PIEZO1: variants seen among roughly 807,000 people sequenced by gnomAD.
PIEZO1 encodes the protein piezo type mechanosensitive ion channel component 1 (Er blood group), also known as piezo-type mechanosensitive ion channel component 1.
Under a neutral mutation model 297.2 loss-of-function variants are expected in PIEZO1, and 296 were observed. The ratio of observed to expected loss-of-function variants is 1.00; its 90% CI spans 0.91 to 1.10. The LOEUF is 1.10. Among genes scored for constraint, PIEZO1 ranks in the 50% least tolerant of loss-of-function variants. The pLI is 0.00. For synonymous variants in PIEZO1, 2,427 were observed against 1,507.5 expected, an observed-to-expected ratio of 1.61 and a Z score of -14.13; for missense variants, 5,018 against 3,455.5, an observed-to-expected ratio of 1.45 and a Z score of -11.34.
At chr16:88,757,201 C>T (rs1380294494) in intron 1 of PIEZO1, among the ~76,000 whole-genome samples, 1 of 151,990 alleles carries the variant, frequency 6.6e-6, no homozygotes, top group Admixed American at 6.6e-5. Context: ...GGAGGCTGAG[C>T]CCTCGGAGCC....
chr16:88,759,495 C>T (rs555036752), intron 1 of PIEZO1, among the ~76,000 whole-genome samples: 6 of 152,320 alleles, frequency 3.9e-5, no homozygotes, highest in Non-Finnish European at 7.3e-5. Flanking sequence ...GAAGAGAAAC[C>T]GATAAACACT....
chr16:88,747,386 G>A (rs1906117990), intron 2 of PIEZO1, among the ~76,000 whole-genome samples: 2 of 152,116 alleles, frequency 1.3e-5, no homozygotes, highest in Admixed American at 1.3e-4. Context: ...CATGATGGTG[G>A]GCGCCTGTAA....
chr16:88,780,526 AGG>A, intron 1 of PIEZO1, among the ~76,000 whole-genome samples: 1 of 152,308 alleles, frequency 6.6e-6, no homozygotes, highest in Admixed American at 6.5e-5. Context: ...CCAGCAAGGA[AGG>A]GTCTGTCCAT....
At chr16:88,772,748 C>T (rs1356983860) in intron 1 of PIEZO1, among the ~76,000 whole-genome samples, 2 of 148,450 alleles carry the variant, frequency 1.3e-5, no homozygotes, top group Non-Finnish European at 3.0e-5. Flanking sequence ...CACTGCATTC[C>T]AGCCTGGCCA....
In PIEZO1 at chr16:88,735,216, G is replaced by T. The variant is rs1259682249; in HGVS notation, c.1588C>A (p.Leu530Met). 4 of 1,550,352 alleles carry T rather than the reference G, an allele frequency of 2.6e-6. No individual in the cohort carries two copies. In the Admixed American group the frequency reaches 7.8e-5, roughly 30 times the overall value. Residue 530 changes from leucine (L) to methionine (M), a missense_variant, in exon 13 of 51, where the codon CTG (leucine) becomes ATG (methionine). Coordinates refer to ENST00000301015, the MANE Select transcript of PIEZO1 (RefSeq NM_001142864.4). ...AGCTTCTCTTTCACAAACTGGCGCA[G>T]CAGGAGCCAGAAGGTCAGGGTGTAG... ...LLYTLTFWLL[L>M]RQFVKEKLLK...
In PIEZO1 at chr16:88,716,110, GCCT is replaced by G. The variant is rs1370020259; in HGVS notation, c.7136_7138del (p.Glu2379del). ...CTGGATACGCACGCCGAGGTAGTCG[GCCT>G]CCTCATCTGGGATGGAGGGAGAAGA... On this transcript the variant is annotated inframe_deletion, in exon 50 of 51. Coordinates refer to ENST00000301015, the MANE Select transcript of PIEZO1 (RefSeq NM_001142864.4). 11 of 1,545,316 alleles carry G rather than the reference GCCT, an allele frequency of 7.1e-6. No homozygotes were observed. Among genetic ancestry groups the G allele is most frequent in the Middle Eastern group, 1.7e-4 (1 of 5,998 alleles).
At chr16:88,757,325 G>GC (rs752650335) in intron 1 of PIEZO1, among the ~76,000 whole-genome samples, 3 of 84,162 alleles carry the variant, frequency 3.6e-5, no homozygotes, top group Non-Finnish European at 5.1e-5. Context: ...CTGGCGGGGG[G>GC]GTGGGGGGTA....
At chr16:88,763,702 C>A (rs1187076448) in intron 1 of PIEZO1, among the ~76,000 whole-genome samples, 1 of 152,154 alleles carries the variant, frequency 6.6e-6, no homozygotes, top group Non-Finnish European at 1.5e-5. Flanking sequence ...ACAGCACATT[C>A]CAGAGGCCGC....
intron 1 of PIEZO1, among the ~76,000 whole-genome samples, chr16:88,773,660 G>A (rs1400941204): frequency 6.6e-6 from 1 of 150,924 alleles, no homozygotes; most frequent in Non-Finnish European, 1.5e-5. Context: ...GCAGGTCGGG[G>A]GAGTGGACAG....
intron 12 of PIEZO1, 146 bp from the exon 13 acceptor site, chr16:88,735,392 C>G: frequency 1.5e-6 from 1 of 647,512 alleles, no homozygotes; most frequent in South Asian, 1.8e-5. Context: ...CCACAGGCAC[C>G]GAACACCCTC....
In PIEZO1 at chr16:88,725,641, A is replaced by C; in HGVS notation, c.4012T>G (p.Phe1338Val). Reference protein sequence around the residue: ...YNAANLKSIDFHRRIEEKSLA... With the variant: ...YNAANLKSIDVHRRIEEKSLA... The stretch of plus-strand genomic sequence containing the variant: ...GACTTCTCCTCTATCCTGCGGTGAA[A>C]GTCAATGCTCTTGAGGTTGGCAGCG... Residue 1338 changes from phenylalanine (F) to valine (V), a missense_variant, in exon 28 of 51, where the codon TTT becomes GTT. Phe to Val is a conservative substitution (Grantham distance 50). Transcript: ENST00000301015. The C allele has an allele frequency of 6.5e-7, 1 of 1,549,532 alleles. No individual in the cohort carries two copies. The highest frequency in any genetic ancestry group is 8.7e-7 in the Non-Finnish European group (1 of 1,146,038).
At chr16:88,754,212 A>T (rs1906540000) in intron 1 of PIEZO1, among the ~76,000 whole-genome samples, 1 of 152,194 alleles carries the variant, frequency 6.6e-6, no homozygotes, top group African/African-American at 2.4e-5. Context: ...GAGCACAGTC[A>T]GGAGGGGAGA....
rs577670731 is a variant in PIEZO1, at chr16:88,749,111, G to A, written c.160+273C>T. ...AAAAATAAGCCAGGCGTGGTGGCGG[G>A]CGCCTGTAGTCCCAGCTACCCGGGA... On this transcript the variant is annotated intron_variant, in intron 2 of 50. Transcript: ENST00000301015. Among the ~76,000 whole-genome samples the A allele has an allele frequency of 6.6e-5, 10 of 151,496 alleles. No individual in the cohort carries two copies. The South Asian group carries it at 1.0e-3, about 16-fold the overall frequency.
rs778345834 is a variant in PIEZO1, at chr16:88,737,560, A to C, written c.1194T>G (p.Pro398=). 3.9e-6 allele frequency: 6 copies of C among 1,530,400 alleles called. No homozygotes were observed. The Admixed American group carries it at 1.2e-4, about 30-fold the overall frequency. 94.8% of individuals were successfully genotyped at this position (1,530,400 alleles called of 1,614,324 possible). A position where few individuals can be genotyped will look rare whatever the true frequency, so the allele number is the denominator to read the frequency against. ...TACCTTGCAGTGTGCGGTACTCACC[A>C]GGCCGCCGCAGGACGGAGCTCTGGC... is the stretch of plus-strand genomic sequence containing the variant. ...LTGQSSVLRR[P]VRPKRAEPRE... is the part of the protein sequence containing the mutation. Residue 398 remains proline, a splice_region_variant and synonymous_variant, in exon 10 of 51, where the codon CCT becomes CCG. Coordinates refer to ENST00000301015, the MANE Select transcript of PIEZO1 (RefSeq NM_001142864.4).
rs762815292 is a variant in PIEZO1 at position 88,737,576 on chromosome 16, G to C, written c.1178C>G (p.Ser393Cys). The change falls in exon 10 of 51, where the codon TCC (serine) becomes TGC (cysteine). Residue 393 changes from serine (S) to cysteine (C), a missense_variant. Transcript: ENST00000301015. ...CIVHELTGQS[S>C]VLRRPVRPKR... ...GTACTCACCAGGCCGCCGCAGGACG[G>C]AGCTCTGGCCGGTCAGCTCGTGCAC... 4 of 1,534,006 alleles carry C rather than the reference G, an allele frequency of 2.6e-6. No homozygotes were observed. The highest frequency in any genetic ancestry group is 1.2e-5 in the South Asian group (1 of 83,998).
chr16:88,780,015 G>A (rs1024695153), intron 1 of PIEZO1, among the ~76,000 whole-genome samples: 1 of 152,184 alleles, frequency 6.6e-6, no homozygotes, highest in Non-Finnish European at 1.5e-5. Context: ...GTCACTTACA[G>A]GGGAGGAAAC....
Position 88,733,906 on chromosome 16 carries a change from C to G in PIEZO1, c.2329G>C (p.Gly777Arg). The change falls in exon 17 of 51, where the codon GGG becomes CGG. Residue 777 changes from glycine (G) to arginine (R), a missense_variant and splice_region_variant. Physicochemically the swap from Gly to Arg is moderately radical, Grantham distance 125 (BLOSUM62 -2). Coordinates refer to ENST00000301015, the MANE Select transcript of PIEZO1 (RefSeq NM_001142864.4). Reference protein sequence around the residue: ...TPHQATQVPEGAAKWGLVAER... With the variant: ...TPHQATQVPERAAKWGLVAER... Reference sequence around the variant, plus strand: ...GCTGTGCTCTGCCCGCCCAACCCACCTTCAGGCACCTGCGTGGCCTGGTGG... The same window carrying G: ...GCTGTGCTCTGCCCGCCCAACCCACGTTCAGGCACCTGCGTGGCCTGGTGG... 1 of 1,496,128 alleles carries G rather than the reference C, an allele frequency of 6.7e-7. No homozygotes were observed. Among genetic ancestry groups the G allele is most frequent in the Non-Finnish European group, 9.0e-7 (1 of 1,115,888 alleles). The allele number at this position is 1,496,128 out of a possible 1,614,324, so 92.7% of individuals were successfully genotyped here.
chr16:88,731,661 A>C (rs1344719132), intron 22 of PIEZO1, 45 bp downstream of exon 22: 1 of 1,479,448 alleles, frequency 6.8e-7, no homozygotes. Flanking sequence ...ACGGGCATCC[A>C]CAAAGCCACA....
chr16:88,761,937 C>A (rs1042838318), intron 1 of PIEZO1, among the ~76,000 whole-genome samples: 4 of 152,220 alleles, frequency 2.6e-5, no homozygotes, highest in Admixed American at 6.5e-5. Context: ...GCGTTCCACA[C>A]AGAGCAATCC....
Sources: allele counts gnomAD v4.1 joint callset (sites outside exome capture counted in the v4.1 genomes callset), GRCh38; gene constraint gnomAD v4.1.1; transcripts MANE v1.5; gene names NCBI Gene and HGNC (gene_info 2026-07-23, HGNC 2026-07-21).